COL14A1: variants seen among roughly 807,000 people sequenced by gnomAD.
COL14A1 encodes collagen alpha-1(XIV) chain.
COL14A1 carries 136 observed loss-of-function variants against 230.3 expected under a neutral mutation model. The observed-to-expected ratio is 0.59, with a 90% CI of 0.51 to 0.68. The LOEUF is 0.68. Ranked by LOEUF, COL14A1 falls within the 30% of genes least tolerant of loss-of-function variation. The probability of loss-of-function intolerance (pLI) is 0.00; values close to 1 mark genes in which losing one functional copy is unlikely to be tolerated. For synonymous variants in COL14A1, 792 were observed against 784.1 expected (o/e 1.01, Z -0.17); for missense variants, 1,976 against 2,215.8 (o/e 0.89, Z 2.17).
chr8:120,278,108 C>T lies in COL14A1; in HGVS notation c.3214-3C>T. ...TGAAAATGAATACACCTTCTCTCTCCAGGTTGCAATGGTTCAGTTCACTGA... is the reference window on the plus strand; with the variant it reads ...TGAAAATGAATACACCTTCTCTCTCTAGGTTGCAATGGTTCAGTTCACTGA... On this transcript the variant is annotated splice_polypyrimidine_tract_variant and splice_region_variant and intron_variant, in intron 26 of 47. Transcript: ENST00000297848. 3 of 1,600,432 alleles carry T rather than the reference C, an allele frequency of 1.9e-6. No individual in the cohort carries two copies. Among genetic ancestry groups the T allele is most frequent in the Non-Finnish European group, 2.6e-6 (3 of 1,174,766 alleles).
At chr8:120,358,532 TC>T (rs1170693229) in intron 45 of COL14A1, among the ~76,000 whole-genome samples, 1 of 151,936 alleles carries the variant, frequency 6.6e-6, no homozygotes, top group Non-Finnish European at 1.5e-5. Flanking sequence ...TCCTGAGACA[TC>T]ATGGTGACAG....
At chr8:120,361,547 T>G (rs1823216825) in intron 45 of COL14A1, among the ~76,000 whole-genome samples, 1 of 152,226 alleles carries the variant, frequency 6.6e-6, no homozygotes, top group Admixed American at 6.5e-5. Context: ...TAGTAGGCAT[T>G]CACACAAACA....
intron 31 of COL14A1, among the ~76,000 whole-genome samples, chr8:120,282,505 G>A (rs1387701579): frequency 6.6e-6 from 1 of 152,132 alleles, no homozygotes; most frequent in African/African-American, 2.4e-5. Context: ...ACAATGTCTG[G>A]CATATAGTTG....
chr8:120,227,814 C>G (rs567824934), intron 17 of COL14A1, among the ~76,000 whole-genome samples: 1 of 152,280 alleles, frequency 6.6e-6, no homozygotes, highest in Non-Finnish European at 1.5e-5. Context: ...CTTGCTGATT[C>G]ATTCATCTCT....
intron 40 of COL14A1, among the ~76,000 whole-genome samples, chr8:120,328,338 A>G (rs1821754480): frequency 6.6e-6 from 1 of 151,992 alleles, no homozygotes; most frequent in Non-Finnish European, 1.5e-5. Context: ...GGCTCAAGCA[A>G]TCCTCCAGAG....
chr8:120,151,267 C>T (rs1057301289), intron 2 of COL14A1, among the ~76,000 whole-genome samples: 2 of 152,096 alleles, frequency 1.3e-5, no homozygotes, highest in African/African-American at 4.8e-5. Context: ...GATTGATTTT[C>T]TGCTTTTAAA....
chr8:120,289,074 T>C (rs940322399), intron 33 of COL14A1, among the ~76,000 whole-genome samples: 1 of 152,150 alleles, frequency 6.6e-6, no homozygotes, highest in African/African-American at 2.4e-5. Context: ...TACCATACAC[T>C]AAGCTAAACA....
At chr8:120,259,688 G>C (rs1453419649) in intron 23 of COL14A1, among the ~76,000 whole-genome samples, 1 of 151,958 alleles carries the variant, frequency 6.6e-6, no homozygotes, top group Non-Finnish European at 1.5e-5. Context: ...TGTTTTCAAG[G>C]GTCTTTAAAG....
At chr8:120,210,561 C>T (rs1817588450) in intron 12 of COL14A1, among the ~76,000 whole-genome samples, 1 of 152,090 alleles carries the variant, frequency 6.6e-6, no homozygotes, top group African/African-American at 2.4e-5. Context: ...GAATTTATTC[C>T]ATTTTAAATG....
chr8:120,197,714 A>G (rs556351010), intron 6 of COL14A1, 97 bp from the exon 7 acceptor site: 1 of 1,370,448 alleles, frequency 7.3e-7, no homozygotes, highest in Admixed American at 2.3e-5. Flanking sequence ...AAATTTTTGC[A>G]AAGATGAGGC....
At chr8:120,157,330 A>G (rs1176119126) in intron 2 of COL14A1, among the ~76,000 whole-genome samples, 1 of 152,224 alleles carries the variant, frequency 6.6e-6, no homozygotes. Flanking sequence ...ATGTTTTTAA[A>G]TGAATATCTT....
chr8:120,300,212 C>T (rs1168206323), intron 35 of COL14A1, among the ~76,000 whole-genome samples: 1 of 152,126 alleles, frequency 6.6e-6, no homozygotes, highest in African/African-American at 2.4e-5. Context: ...TTACTTTCAA[C>T]CACAGAATGT....
chr8:120,261,793 T>C (rs571952291), intron 23 of COL14A1, among the ~76,000 whole-genome samples: 6 of 152,312 alleles, frequency 3.9e-5, no homozygotes, highest in Admixed American at 3.9e-4. Flanking sequence ...CATGTCCCTT[T>C]TCCTCAATTA....
At chr8:120,257,404 C>G (rs1021290673) in intron 23 of COL14A1, among the ~76,000 whole-genome samples, 5 of 152,100 alleles carry the variant, frequency 3.3e-5, no homozygotes, top group African/African-American at 9.7e-5. Context: ...AACTGGACAG[C>G]AAAAGATTCT....
At chr8:120,231,200 C>G (rs1173701967) in intron 18 of COL14A1, among the ~76,000 whole-genome samples, 1 of 152,132 alleles carries the variant, frequency 6.6e-6, no homozygotes, top group Non-Finnish European at 1.5e-5. Context: ...TCCCAGTTCT[C>G]TTTACTAGTG....
intron 1 of COL14A1, 31 bp from the exon 2 acceptor site, chr8:120,147,775 T>C: frequency 8.5e-7 from 1 of 1,175,166 alleles, no homozygotes; most frequent in Non-Finnish European, 1.2e-6. Context: ...TTCAGCCTTC[T>C]CAAAAATGTT....
At chr8:120,166,756 T>C (rs1815888667) in intron 4 of COL14A1, among the ~76,000 whole-genome samples, 1 of 151,974 alleles carries the variant, frequency 6.6e-6, no homozygotes, top group Non-Finnish European at 1.5e-5. Context: ...CCTTAGTATA[T>C]GATTGTGTTT....
chr8:120,192,797 C>T (rs1816873418), intron 5 of COL14A1, among the ~76,000 whole-genome samples: 2 of 152,258 alleles, frequency 1.3e-5, no homozygotes, highest in South Asian at 2.1e-4. Flanking sequence ...TCTTTCATTT[C>T]ATCTTCCATC....
intron 24 of COL14A1, among the ~76,000 whole-genome samples, chr8:120,263,563 A>C (rs1320852352): frequency 6.6e-6 from 1 of 152,210 alleles, no homozygotes; most frequent in Non-Finnish European, 1.5e-5. Flanking sequence ...GAGCAAGGAG[A>C]GTGTCAACTT....
Sources: allele counts gnomAD v4.1 joint callset (sites outside exome capture counted in the v4.1 genomes callset), GRCh38; gene constraint gnomAD v4.1.1; transcripts MANE v1.5; gene names NCBI Gene and HGNC (gene_info 2026-07-23, HGNC 2026-07-21).